Variants in AFAP1 observed in about 807,000 individuals in gnomAD.
AFAP1 encodes the protein actin filament-associated protein 1.
In AFAP1, 75 loss-of-function variants were observed where a neutral mutation model predicts 93.9. The observed-to-expected ratio is 0.80, with a 90% CI of 0.66 to 0.97. AFAP1 has a LOEUF of 0.97. Ranked by LOEUF, AFAP1 falls within the 50% of genes least tolerant of loss-of-function variation. The pLI, the probability that AFAP1 is intolerant of heterozygous loss-of-function variation, is 0.00. For synonymous variants in AFAP1, 517 were observed against 430.7 expected, an observed-to-expected ratio of 1.20 and a Z score of -2.48; for missense variants, 1,201 against 1,050.8, an observed-to-expected ratio of 1.14 and a Z score of -1.98.
intron 11 of AFAP1, 54 bp from the exon 12 acceptor site, chr4:7,786,365 T>A: frequency 6.9e-7 from 1 of 1,443,192 alleles, no homozygotes; most frequent in Non-Finnish European, 9.7e-7. Context: ...TTTACTCCAA[T>A]CAGTCAAGTC....
At chr4:7,924,083 G>C (rs113353930) in intron 1 of AFAP1, among the ~76,000 whole-genome samples, 49 of 152,312 alleles carry the variant, frequency 3.2e-4, no homozygotes, top group African/African-American at 1.1e-3. Context: ...AGAGATAAAT[G>C]AAAGTTAGTG....
At chr4:7,818,664 A>C (rs1720696775) in intron 7 of AFAP1, among the ~76,000 whole-genome samples, 1 of 152,244 alleles carries the variant, frequency 6.6e-6, no homozygotes, top group African/African-American at 2.4e-5. Context: ...GCCTTCCAAC[A>C]AGCAACAAGA....
Position 7,866,357 on chromosome 4 carries a change from G to A in AFAP1, c.225+2265C>T, listed in dbSNP as rs527944549. Reference sequence around the variant, plus strand: ...ACTACAGCTGCACACCACCACACCCGGCTAATTTTTGTATTTCCTCTACAG... The same window carrying A: ...ACTACAGCTGCACACCACCACACCCAGCTAATTTTTGTATTTCCTCTACAG... On this transcript the variant is annotated intron_variant, in intron 3 of 17. Coordinates refer to ENST00000420658, the MANE Select transcript of AFAP1 (RefSeq NM_001134647.2). Among the ~76,000 whole-genome samples, 4 of 151,990 alleles carry A rather than the reference G, an allele frequency of 2.6e-5. No homozygotes were observed. The South Asian group carries it at 8.3e-4, about 32-fold the overall frequency.
chr4:7,858,187 C>T (rs1331858918), intron 3 of AFAP1, among the ~76,000 whole-genome samples: 1 of 152,106 alleles, frequency 6.6e-6, no homozygotes, highest in East Asian at 1.9e-4. Context: ...GTACTATGAT[C>T]CCTTTACATA....
At chr4:7,905,178 A>C (rs1462592078) in intron 1 of AFAP1, among the ~76,000 whole-genome samples, 1 of 152,236 alleles carries the variant, frequency 6.6e-6, no homozygotes, top group East Asian at 1.9e-4. Context: ...AAACAGAAGG[A>C]AAGAAAGAGC....
At position 7,798,276 on chromosome 4, in the gene AFAP1, T is replaced by G. The variant is rs1343529253; in HGVS notation, c.1266+2166A>C. 4.2e-5 allele frequency among the ~76,000 whole-genome samples: 6 copies of G among 144,178 alleles called. 1 individual carries two copies. Among genetic ancestry groups the G allele is most frequent in the Non-Finnish European group, 6.0e-5 (4 of 66,264 alleles). 94.6% of individuals were successfully genotyped at this position (144,178 alleles called of 152,430 possible). A position where few individuals can be genotyped will look rare whatever the true frequency, so the allele number is the denominator to read the frequency against. Reference sequence around the variant, plus strand: ...ATTGGCTGGCTCACGGCACTGCAACTCTACTGGCTGGCTCACGGCATTGCA... The same window carrying G: ...ATTGGCTGGCTCACGGCACTGCAACGCTACTGGCTGGCTCACGGCATTGCA... On this transcript the variant is annotated intron_variant, in intron 10 of 17. Transcript: ENST00000420658.
intron 12 of AFAP1, 97 bp downstream of exon 12, chr4:7,786,097 C>T: frequency 8.8e-7 from 1 of 1,138,866 alleles, no homozygotes; most frequent in South Asian, 1.4e-5. Flanking sequence ...AAAAGCTGAC[C>T]TTATTCAGAC....
At chr4:7,870,194 TG>T (rs1218937963) in intron 2 of AFAP1, among the ~76,000 whole-genome samples, 1 of 152,174 alleles carries the variant, frequency 6.6e-6, no homozygotes, top group African/African-American at 2.4e-5. Context: ...GTTGCATGTT[TG>T]GTAACAGGTA....
intron 9 of AFAP1, among the ~76,000 whole-genome samples, chr4:7,808,614 G>C (rs187151381): frequency 6.6e-6 from 1 of 152,328 alleles, no homozygotes; most frequent in East Asian, 1.9e-4. Context: ...TGAGAAATTG[G>C]TTCGGTCATT....
chr4:7,774,179 ACT>A (rs1301410782), intron 15 of AFAP1: 2 of 152,764 alleles, frequency 1.3e-5, no homozygotes, highest in African/African-American at 4.8e-5. Context: ...CTGGCTGCAA[ACT>A]CAGTTTCTGT....
intron 16 of AFAP1, among the ~76,000 whole-genome samples, chr4:7,769,464 G>A (rs1715100108): frequency 1.3e-5 from 2 of 152,258 alleles, no homozygotes; most frequent in Admixed American, 6.5e-5. Context: ...CAGCCCCACT[G>A]CGCGGGGCTC....
chr4:7,900,193 T>C (rs1047156276), intron 1 of AFAP1, among the ~76,000 whole-genome samples: 1 of 152,186 alleles, frequency 6.6e-6, no homozygotes, highest in African/African-American at 2.4e-5. Context: ...TCCAAAAATC[T>C]GCGATCCTGC....
rs575900485 is a variant in AFAP1 at position 7,802,817 on chromosome 4, T to G, written c.1055-2164A>C. ...GGCGCCCGCCACCACACCTGGCTAA[T>G]TTTTTGTATTTTTAGTAGAGAAGGG... On this transcript the variant is annotated intron_variant, in intron 9 of 17. Coordinates refer to ENST00000420658, the MANE Select transcript of AFAP1 (RefSeq NM_001134647.2). Among the ~76,000 whole-genome samples the G allele has an allele frequency of 2.6e-4, 39 of 152,136 alleles. 2 individuals are homozygous for G. In the South Asian group the frequency reaches 8.1e-3, roughly 32 times the overall value.
rs575801598 is a variant in AFAP1 at position 7,789,845 on chromosome 4, T to C, written c.1413-3534A>G. ...GCTTCCTGAGGGGCTCCCAGCTGAGTGTGACTTGAAGAGAGTTTCAGGAAA... is the reference window on the plus strand; with the variant it reads ...GCTTCCTGAGGGGCTCCCAGCTGAGCGTGACTTGAAGAGAGTTTCAGGAAA... On this transcript the variant is annotated intron_variant, in intron 11 of 17. Coordinates refer to ENST00000420658, the MANE Select transcript of AFAP1 (RefSeq NM_001134647.2). 1.9e-4 allele frequency among the ~76,000 whole-genome samples: 29 copies of C among 152,340 alleles called. 1 individual carries two copies. The highest frequency in any genetic ancestry group is 2.9e-4 in the Non-Finnish European group (20 of 68,024).
chr4:7,883,185 CAAAAA>C (rs34238719), intron 1 of AFAP1, among the ~76,000 whole-genome samples: 1 of 49,966 alleles, frequency 2.0e-5, no homozygotes, highest in African/African-American at 7.6e-5. Flanking sequence ...AACCCTATCT[CAAAAA>C]AAAAAAAAAA....
At chr4:7,809,058 T>G (rs986432736) in intron 9 of AFAP1, among the ~76,000 whole-genome samples, 1 of 74,866 alleles carries the variant, frequency 1.3e-5, no homozygotes, top group Non-Finnish European at 2.1e-5. Flanking sequence ...CTTAGTTTTG[T>G]TTTTGTTTTT....
intron 1 of AFAP1, among the ~76,000 whole-genome samples, chr4:7,899,391 A>G (rs1200522427): frequency 6.6e-6 from 1 of 152,186 alleles, no homozygotes; most frequent in African/African-American, 2.4e-5. Context: ...ACGAGTTAAG[A>G]ACCGTTTGTC....
At chr4:7,846,256 T>C (rs559915620) in intron 4 of AFAP1, among the ~76,000 whole-genome samples, 13 of 152,344 alleles carry the variant, frequency 8.5e-5, no homozygotes, top group African/African-American at 3.1e-4. Flanking sequence ...GGCTTCTTTA[T>C]GATAAATCAC....
At chr4:7,778,062 T>A (rs937474609) in intron 14 of AFAP1, 1 of 153,476 alleles carries the variant, frequency 6.5e-6, no homozygotes, top group Non-Finnish European at 1.4e-5. Context: ...GCCCAATCTA[T>A]TTCCGGCTGG....
Sources: allele counts gnomAD v4.1 joint callset (sites outside exome capture counted in the v4.1 genomes callset), GRCh38; gene constraint gnomAD v4.1.1; transcripts MANE v1.5; gene names NCBI Gene and HGNC (gene_info 2026-07-23, HGNC 2026-07-21).